Variants in KLHL1 observed in about 807,000 individuals in gnomAD.
The protein encoded by KLHL1 is kelch-like protein 1.
KLHL1 carries 47 observed loss-of-function variants against 77.7 expected under a neutral mutation model. The observed-to-expected ratio is 0.60, with a 90% CI of 0.48 to 0.77. The LOEUF (loss-of-function observed/expected upper bound fraction) is 0.77. KLHL1 is among the 30% of genes least tolerant of loss of function. KLHL1 has a pLI of 0.00. For missense variants in KLHL1, 925 were observed against 910.8 expected (o/e 1.02, Z -0.20); for synonymous variants, 360 against 325.2 (o/e 1.11, Z -1.15).
At chr13:69,735,024 TGC>T (rs1289417227) in intron 8 of KLHL1, among the ~76,000 whole-genome samples, 4 of 152,108 alleles carry the variant, frequency 2.6e-5, no homozygotes, top group Non-Finnish European at 4.4e-5. Flanking sequence ...GAATATGGAA[TGC>T]AAAAATTAAA....
chr13:70,002,863 T>C (rs1287296661), intron 1 of KLHL1, among the ~76,000 whole-genome samples: 1 of 151,674 alleles, frequency 6.6e-6, no homozygotes, highest in Non-Finnish European at 1.5e-5. Flanking sequence ...AAATACATTC[T>C]TAAGCAAGTT....
At chr13:69,961,622 T>G (rs1012476229) in intron 2 of KLHL1, among the ~76,000 whole-genome samples, 178 bp from the exon 3 acceptor site, 1 of 152,112 alleles carries the variant, frequency 6.6e-6, no homozygotes, top group Non-Finnish European at 1.5e-5. Flanking sequence ...CCCCTAACTT[T>G]TCGTAATAGA....
intron 1 of KLHL1, among the ~76,000 whole-genome samples, chr13:69,977,887 T>A (rs964639184): frequency 6.6e-6 from 1 of 152,222 alleles, no homozygotes; most frequent in Admixed American, 6.5e-5. Flanking sequence ...TCCGAAAAAA[T>A]TGACAGAGAA....
intron 3 of KLHL1, among the ~76,000 whole-genome samples, chr13:69,951,410 G>A (rs374744411): frequency 4.6e-5 from 7 of 151,536 alleles, no homozygotes; most frequent in Admixed American, 2.0e-4. Context: ...CCAGATTTTC[G>A]CAAGTTAGTA....
In KLHL1 at chr13:69,802,464, T is replaced by G. The variant is rs553468333; in HGVS notation, c.1415-5502A>C. 4.6e-5 allele frequency among the ~76,000 whole-genome samples: 7 copies of G among 152,160 alleles called. No individual in the cohort carries two copies. In the East Asian group the frequency reaches 1.4e-3, roughly 30 times the overall value. On this transcript the variant is annotated intron_variant, in intron 6 of 10. Coordinates refer to ENST00000377844, the MANE Select transcript of KLHL1 (RefSeq NM_020866.3). ...TCCCTCATATTGTCTTATGCCCAAT[T>G]TCTGCCTCCGTAGAAAAAAGAAGTA...
intron 7 of KLHL1, among the ~76,000 whole-genome samples, chr13:69,764,387 G>A (rs918918755): frequency 6.6e-6 from 1 of 152,050 alleles, no homozygotes; most frequent in East Asian, 1.9e-4. Flanking sequence ...AATCTATTCT[G>A]GTTCGAAGGG....
intron 4 of KLHL1, among the ~76,000 whole-genome samples, chr13:69,931,527 T>G (rs1392923069): frequency 6.6e-6 from 1 of 151,804 alleles, no homozygotes; most frequent in Non-Finnish European, 1.5e-5. Flanking sequence ...TACTTACTAT[T>G]ATCCAGCAAT....
intron 7 of KLHL1, among the ~76,000 whole-genome samples, chr13:69,741,517 C>T (rs1215213939): frequency 3.3e-5 from 5 of 152,136 alleles, no homozygotes; most frequent in African/African-American, 1.2e-4. Context: ...CTCATAGCAA[C>T]AGCAATAATC....
chr13:70,053,574 A>C lies in KLHL1; in HGVS notation c.497+53629T>G, dbSNP rs962256415. Among the ~76,000 whole-genome samples the C allele has an allele frequency of 1.7e-4, 26 of 152,128 alleles. 1 individual carries two copies. Among genetic ancestry groups the C allele is most frequent in the Admixed American group, 8.5e-4 (13 of 15,276 alleles). On this transcript the variant is annotated intron_variant, in intron 1 of 10. Transcript: ENST00000377844. ...CAATTGATCAAAGAAGAATTTTTAA[A>C]AAACAGTGGTAAGACATTTCTGTGA...
chr13:69,702,061 TG>T (rs1255995305), intron 10 of KLHL1, among the ~76,000 whole-genome samples: 3 of 151,738 alleles, frequency 2.0e-5, no homozygotes. Context: ...AGCTCTATTC[TG>T]GAGTTTGCAT....
chr13:69,929,353 T>C (rs1166092932), intron 4 of KLHL1, among the ~76,000 whole-genome samples: 6 of 151,896 alleles, frequency 4.0e-5, no homozygotes, highest in Admixed American at 2.6e-4. Context: ...CCTTCAGTAA[T>C]TGGGAAGATA....
At chr13:70,027,194 A>G (rs942169904) in intron 1 of KLHL1, among the ~76,000 whole-genome samples, 14 of 152,180 alleles carry the variant, frequency 9.2e-5, no homozygotes, top group African/African-American at 2.7e-4. Context: ...TTTTAAAAGT[A>G]TAACATTTTA....
intron 6 of KLHL1, among the ~76,000 whole-genome samples, chr13:69,809,064 T>C (rs747630055): frequency 1.4e-4 from 22 of 152,192 alleles, no homozygotes; most frequent in Middle Eastern, 3.4e-3. Context: ...TATGGGATCA[T>C]GTAAAACAAC....
intron 7 of KLHL1, among the ~76,000 whole-genome samples, chr13:69,762,718 A>G (rs1436410548): frequency 6.7e-6 from 1 of 149,726 alleles, no homozygotes; most frequent in Non-Finnish European, 1.5e-5. Context: ...TCCCAAGATC[A>G]TAAGTTAAGA....
In KLHL1 at chr13:69,940,055, G is replaced by A; in HGVS notation, c.999C>T (p.Ala333=). 6.2e-7 allele frequency: 1 copy of A among 1,604,974 alleles called. No homozygotes were observed. The highest frequency in any genetic ancestry group is 8.5e-7 in the Non-Finnish European group (1 of 1,175,656). Residue 333 remains alanine, a synonymous_variant, in exon 4 of 11, where the codon GCC becomes GCT. Transcript: ENST00000377844. ...AQGCIELMKV[A]HSYTMENIME... Reference sequence around the variant, plus strand: ...GTTTCCTTACCATTGTGTAGCTGTGGGCCACCTTCATTAACTCAATGCATC... The same window carrying A: ...GTTTCCTTACCATTGTGTAGCTGTGAGCCACCTTCATTAACTCAATGCATC...
chr13:69,830,823 G>A (rs1878732922), intron 6 of KLHL1, among the ~76,000 whole-genome samples: 2 of 150,136 alleles, frequency 1.3e-5, no homozygotes, highest in South Asian at 4.2e-4. Context: ...ATAGATGGAA[G>A]TTAAGTAATC....
chr13:70,028,531 G>C (rs1367430337), intron 1 of KLHL1, among the ~76,000 whole-genome samples: 2 of 152,084 alleles, frequency 1.3e-5, no homozygotes, highest in Non-Finnish European at 2.9e-5. Context: ...AAGCAGTCTA[G>C]GAATTCTGCC....
At chr13:70,100,050 GAATA>G (rs1176975786) in intron 1 of KLHL1, among the ~76,000 whole-genome samples, 2 of 151,564 alleles carry the variant, frequency 1.3e-5, no homozygotes, top group African/African-American at 4.8e-5. Flanking sequence ...TAAATTTTTA[GAATA>G]AACTCATCAA....
chr13:69,706,736 G>C (rs747525425), intron 10 of KLHL1, among the ~76,000 whole-genome samples: 1 of 151,966 alleles, frequency 6.6e-6, no homozygotes, highest in Non-Finnish European at 1.5e-5. Context: ...ATTTGGAGAA[G>C]AATGAAAGTA....
Sources: allele counts gnomAD v4.1 joint callset (sites outside exome capture counted in the v4.1 genomes callset), GRCh38; gene constraint gnomAD v4.1.1; transcripts MANE v1.5; gene names NCBI Gene and HGNC (gene_info 2026-07-23, HGNC 2026-07-21).